The following FBXL13 variants were observed in gnomAD, a reference collection of about 807,000 sequenced individuals.
FBXL13 encodes the protein F-box and leucine rich repeat protein 13.
FBXL13 carries 67 observed loss-of-function variants against 83.6 expected under a neutral mutation model. That is an observed-to-expected ratio of 0.80 (90% confidence interval 0.66 to 0.98). FBXL13 has a LOEUF of 0.98. FBXL13 is among the 50% of genes least tolerant of loss of function. The pLI, the probability that FBXL13 is intolerant of heterozygous loss-of-function variation, is 0.00. For synonymous variants in FBXL13, 272 were observed against 299.5 expected (o/e 0.91, Z 0.95); for missense variants, 822 against 866.5 (o/e 0.95, Z 0.64).
chr7:102,831,544 C>T (rs886118115), intron 18 of FBXL13, among the ~76,000 whole-genome samples: 2 of 152,010 alleles, frequency 1.3e-5, no homozygotes, highest in East Asian at 1.9e-4. Flanking sequence ...AGACAGTTGC[C>T]CAGATTTATG....
chr7:103,061,145 G>A (rs1476781930), intron 1 of FBXL13, among the ~76,000 whole-genome samples: 1 of 151,886 alleles, frequency 6.6e-6, no homozygotes, highest in Non-Finnish European at 1.5e-5. Context: ...CCAGGAAGAG[G>A]AAGATGCCCC....
chr7:103,027,739 C>T (rs1302709815), intron 4 of FBXL13, among the ~76,000 whole-genome samples, 181 bp from the exon 6 acceptor site: 3 of 152,180 alleles, frequency 2.0e-5, no homozygotes, highest in African/African-American at 2.4e-5. Context: ...CAAGACTTTA[C>T]GAACTGGGAA....
intron 17 of FBXL13, among the ~76,000 whole-genome samples, chr7:102,837,702 C>T (rs1295711088): frequency 1.3e-5 from 2 of 152,064 alleles, no homozygotes; most frequent in Non-Finnish European, 2.9e-5. Flanking sequence ...TGCTACCATG[C>T]CTGGCTCATT....
intron 1 of FBXL13, among the ~76,000 whole-genome samples, chr7:103,062,587 C>T (rs1048074906): frequency 3.3e-5 from 5 of 150,964 alleles, no homozygotes; most frequent in African/African-American, 1.2e-4. Context: ...TTCTACCTAT[C>T]TTCAGGTGAC....
At chr7:102,853,148 T>C (rs953843137) in intron 17 of FBXL13, among the ~76,000 whole-genome samples, 1 of 152,096 alleles carries the variant, frequency 6.6e-6, no homozygotes, top group African/African-American at 2.4e-5. Flanking sequence ...ATATGAACGA[T>C]GCAATGGATT....
chr7:102,842,146 C>T (rs527654683), intron 17 of FBXL13, among the ~76,000 whole-genome samples: 6 of 152,184 alleles, frequency 3.9e-5, no homozygotes, highest in Non-Finnish European at 8.8e-5. Context: ...AATGTCCGGA[C>T]GTTCCACCTC....
intron 7 of FBXL13, among the ~76,000 whole-genome samples, chr7:102,966,421 T>G (rs1162936674): frequency 2.0e-5 from 3 of 152,212 alleles, no homozygotes; most frequent in Non-Finnish European, 4.4e-5. Context: ...CTAAATTATG[T>G]TACAGATATT....
intron 9 of FBXL13, 111 bp from the exon 11 acceptor site, chr7:102,926,485 G>A: frequency 1.3e-6 from 1 of 768,062 alleles, no homozygotes; most frequent in East Asian, 2.8e-5. Flanking sequence ...ACATGTAAGA[G>A]TTGGTTTCTT....
intron 17 of FBXL13, among the ~76,000 whole-genome samples, chr7:102,841,149 CAT>C (rs1802858465): frequency 6.6e-6 from 1 of 151,996 alleles, no homozygotes; most frequent in Non-Finnish European, 1.5e-5. Flanking sequence ...GGATCAAAAA[CAT>C]ATCAAAAACC....
At chr7:102,852,156 C>A (rs568989203) in intron 17 of FBXL13, among the ~76,000 whole-genome samples, 1 of 152,136 alleles carries the variant, frequency 6.6e-6, no homozygotes, top group South Asian at 2.1e-4. Flanking sequence ...TTGAATCTGA[C>A]ATGAGGAAGG....
intron 6 of FBXL13, among the ~76,000 whole-genome samples, chr7:102,970,518 T>C (rs1181188110): frequency 1.3e-5 from 2 of 152,150 alleles, no homozygotes; most frequent in East Asian, 3.9e-4. Context: ...CTCTGGGACA[T>C]TTGGCAGAAA....
chr7:102,896,643 C>T (rs1415278537), intron 11 of FBXL13, among the ~76,000 whole-genome samples: 2 of 152,176 alleles, frequency 1.3e-5, no homozygotes, highest in Non-Finnish European at 2.9e-5. Context: ...GGATTTGTCC[C>T]AGGCCCCTCT....
chr7:102,922,903 G>A (rs548147473), intron 10 of FBXL13, among the ~76,000 whole-genome samples: 19 of 152,194 alleles, frequency 1.2e-4, no homozygotes, highest in Non-Finnish European at 2.2e-4. Context: ...GCATGAACCC[G>A]GGAGGCGGAG....
chr7:103,045,888 A>T (rs1165610261), intron 2 of FBXL13, among the ~76,000 whole-genome samples: 1 of 152,224 alleles, frequency 6.6e-6, no homozygotes, highest in Non-Finnish European at 1.5e-5. Context: ...CACGTCATTC[A>T]TAGGTTATAG....
At chr7:102,903,316 T>G (rs28856331) in intron 11 of FBXL13, among the ~76,000 whole-genome samples, 70,779 of 151,862 alleles carry the variant, frequency 0.47, 18,616 homozygotes, top group African/African-American at 0.73. Flanking sequence ...TTTTCTTGTG[T>G]AGACCTTAGG....
chr7:102,921,147 G>A (rs931222929), intron 10 of FBXL13, among the ~76,000 whole-genome samples: 4 of 151,330 alleles, frequency 2.6e-5, no homozygotes, highest in Non-Finnish European at 4.4e-5. Flanking sequence ...GCGAGACTCC[G>A]TCTCAAAACA....
chr7:103,056,378 C>G (rs891669900), intron 1 of FBXL13, among the ~76,000 whole-genome samples: 3 of 152,092 alleles, frequency 2.0e-5, no homozygotes, highest in Admixed American at 2.0e-4. Context: ...TGGGTAGATA[C>G]CCAATAGTGG....
At chr7:102,874,383 TTAAC>T (rs1808946787) in intron 16 of FBXL13, 2 of 985,294 alleles carry the variant, frequency 2.0e-6, no homozygotes, top group East Asian at 1.1e-4. Flanking sequence ...AGTTCAGAGT[TTAAC>T]TGACTTGGAG....
At chr7:103,056,675 C>T (rs1427665655) in intron 1 of FBXL13, among the ~76,000 whole-genome samples, 1 of 152,150 alleles carries the variant, frequency 6.6e-6, no homozygotes, top group African/African-American at 2.4e-5. Context: ...CCAAGCTGGT[C>T]TTGAACTCCT....
Sources: allele counts gnomAD v4.1 joint callset (sites outside exome capture counted in the v4.1 genomes callset), GRCh38; gene constraint gnomAD v4.1.1; transcripts MANE v1.5; gene names NCBI Gene and HGNC (gene_info 2026-07-23, HGNC 2026-07-21).